The following MINPP1 variants were observed in gnomAD, a reference collection of about 807,000 sequenced individuals.
MINPP1 encodes the protein multiple inositol polyphosphate phosphatase 1.
Under a neutral mutation model 46.1 loss-of-function variants are expected in MINPP1, and 28 were observed. The ratio of observed to expected loss-of-function variants is 0.61; its 90% CI spans 0.45 to 0.83. The LOEUF is 0.83. MINPP1 is among the 40% of genes least tolerant of loss of function. MINPP1 has a pLI of 0.00. For missense variants in MINPP1, 603 were observed against 610.0 expected (o/e 0.99, Z 0.12); for synonymous variants, 268 against 249.1 (o/e 1.08, Z -0.72).
chr10:87,540,148 G>A (rs1851793497), intron 4 of MINPP1, among the ~76,000 whole-genome samples: 1 of 152,226 alleles, frequency 6.6e-6, no homozygotes, highest in Admixed American at 6.5e-5. Flanking sequence ...GGGATTACAG[G>A]CGTGAGCCAC....
At chr10:87,548,730 T>G (rs1851922673) in intron 4 of MINPP1, among the ~76,000 whole-genome samples, 1 of 152,100 alleles carries the variant, frequency 6.6e-6, no homozygotes, top group Admixed American at 6.6e-5. Context: ...CAAAATCTTG[T>G]TTTTGCTTTT....
In MINPP1 at chr10:87,533,759, A is replaced by C. The variant is rs189617132; in HGVS notation, c.1067+12590A>C. ...AATCATTGATATTTTCAGATTTCATAGTCTATAAGGTATGGCTTTTTAAAG... is the reference window on the plus strand; with the variant it reads ...AATCATTGATATTTTCAGATTTCATCGTCTATAAGGTATGGCTTTTTAAAG... On this transcript the variant is annotated intron_variant, in intron 4 of 4. Transcript: ENST00000371996. Among the ~76,000 whole-genome samples the C allele has an allele frequency of 1.4e-4, 21 of 152,090 alleles. No individual in the cohort carries two copies. The East Asian group carries it at 4.1e-3, about 29-fold the overall frequency.
At chr10:87,524,698 G>C (rs1851549386) in intron 4 of MINPP1, among the ~76,000 whole-genome samples, 2 of 152,130 alleles carry the variant, frequency 1.3e-5, no homozygotes, top group South Asian at 4.2e-4. Flanking sequence ...ATTATTAATT[G>C]ACGTAATTTC....
At chr10:87,507,902 G>T (rs1278102292) in intron 1 of MINPP1, 1 of 1,177,430 alleles carries the variant, frequency 8.5e-7, no homozygotes, top group African/African-American at 1.6e-5. Context: ...GAGTTGGGAA[G>T]GTTAATTGAG....
At chr10:87,538,152 C>T (rs895186242) in intron 4 of MINPP1, among the ~76,000 whole-genome samples, 3 of 149,540 alleles carry the variant, frequency 2.0e-5, no homozygotes, top group South Asian at 4.2e-4. Flanking sequence ...GTTTTTTCTC[C>T]GGGATTTGGA....
intron 1 of MINPP1, chr10:87,507,918 A>G: frequency 1.6e-6 from 2 of 1,216,464 alleles, no homozygotes; most frequent in Non-Finnish European, 2.1e-6. Flanking sequence ...TTGAGAAAAT[A>G]AAATACTCTG....
chr10:87,537,385 T>C (rs1381530854), intron 4 of MINPP1, among the ~76,000 whole-genome samples: 1 of 152,188 alleles, frequency 6.6e-6, no homozygotes, highest in Non-Finnish European at 1.5e-5. Flanking sequence ...GTTGTGGTTT[T>C]AGTTTGCATT....
At chr10:87,540,324 C>T (rs1473196428) in intron 4 of MINPP1, among the ~76,000 whole-genome samples, 3 of 152,154 alleles carry the variant, frequency 2.0e-5, no homozygotes, top group Non-Finnish European at 2.9e-5. Context: ...AAAATACATG[C>T]AAGAGGTTTT....
chr10:87,532,860 A>G (rs990115592), intron 4 of MINPP1, among the ~76,000 whole-genome samples: 4 of 152,226 alleles, frequency 2.6e-5, no homozygotes, highest in African/African-American at 9.6e-5. Context: ...AAGTACAGAG[A>G]GTTCCTACTT....
rs770186918 is a variant in MINPP1, at chr10:87,513,226, G to A, written c.933+5G>A. ...TTTGACATAGATGATGCAAAGGTAA[G>A]TATTATTTTTGCAGTTTCTTTGCTT... On this transcript the variant is annotated splice_donor_5th_base_variant and intron_variant, in intron 3 of 4. Transcript: ENST00000371996. The A allele has an allele frequency of 6.2e-7, 1 of 1,606,174 alleles. No homozygotes were observed. Among genetic ancestry groups the A allele is most frequent in the South Asian group, 1.1e-5 (1 of 90,484 alleles).
intron 4 of MINPP1, among the ~76,000 whole-genome samples, chr10:87,531,683 C>T (rs1481281963): frequency 6.6e-6 from 1 of 152,154 alleles, no homozygotes; most frequent in African/African-American, 2.4e-5. Context: ...GGATGTGATG[C>T]AGCAAGTCAA....
At chr10:87,537,038 G>A (rs1354043276) in intron 4 of MINPP1, among the ~76,000 whole-genome samples, 1 of 152,128 alleles carries the variant, frequency 6.6e-6, no homozygotes, top group East Asian at 1.9e-4. Context: ...GTGGGCTCAA[G>A]CAGTTCTCCT....
At chr10:87,518,995 C>T (rs1156565034) in intron 3 of MINPP1, among the ~76,000 whole-genome samples, 1 of 152,098 alleles carries the variant, frequency 6.6e-6, no homozygotes, top group Admixed American at 6.6e-5. Flanking sequence ...CCTTTCAGGG[C>T]AGGATCTTAA....
At chr10:87,521,258 G>A (rs1213409818) in intron 4 of MINPP1, 89 bp downstream of exon 4, 1 of 1,053,160 alleles carries the variant, frequency 9.5e-7, no homozygotes, top group Non-Finnish European at 1.4e-6. Context: ...TTAAAAAATA[G>A]TTTTTGCTTG....
At chr10:87,512,681 T>G (rs893146434) in intron 2 of MINPP1, among the ~76,000 whole-genome samples, 1 of 152,162 alleles carries the variant, frequency 6.6e-6, no homozygotes, top group East Asian at 1.9e-4. Context: ...AGTCCTTGGG[T>G]TATACTTTTT....
intron 4 of MINPP1, among the ~76,000 whole-genome samples, chr10:87,537,399 A>T (rs918183020): frequency 1.3e-5 from 2 of 152,104 alleles, no homozygotes; most frequent in South Asian, 2.1e-4. Context: ...TTGCATTTTC[A>T]TAATGATTAG....
intron 3 of MINPP1, among the ~76,000 whole-genome samples, chr10:87,514,963 G>T (rs531865491): frequency 6.6e-5 from 10 of 151,938 alleles, no homozygotes; most frequent in African/African-American, 2.4e-4. Context: ...TGATCTGCCC[G>T]CCTGGGCCCC....
rs1204874252 is a variant in MINPP1, at chr10:87,552,238, T to G, written c.1224T>G (p.Ile408Met). ...ATCGGAAGTTCCGAAGTGGTCTCAT[T>G]GTACCTTATGCCTCGAACCTGATAT... ...QMHRKFRSGL[I>M]VPYASNLIFV... The change falls in exon 5 of 5, where the codon ATT (isoleucine) becomes ATG (methionine). Residue 408 changes from isoleucine to methionine, a missense_variant. Transcript: ENST00000371996. 1.2e-6 allele frequency: 2 copies of G among 1,613,876 alleles called. No homozygotes were observed. Among genetic ancestry groups the G allele is most frequent in the South Asian group, 2.2e-5 (2 of 91,074 alleles).
chr10:87,512,317 A>G (rs1416465767), intron 2 of MINPP1, among the ~76,000 whole-genome samples: 1 of 152,188 alleles, frequency 6.6e-6, no homozygotes, highest in Non-Finnish European at 1.5e-5. Context: ...CACTTCCGAA[A>G]TCATTTGAGC....
Sources: allele counts gnomAD v4.1 joint callset (sites outside exome capture counted in the v4.1 genomes callset), GRCh38; gene constraint gnomAD v4.1.1; transcripts MANE v1.5; gene names NCBI Gene and HGNC (gene_info 2026-07-23, HGNC 2026-07-21).